SH3RF1: variants seen among roughly 807,000 people sequenced by gnomAD.
SH3RF1 encodes E3 ubiquitin-protein ligase SH3RF1.
Under a neutral mutation model 74.0 loss-of-function variants are expected in SH3RF1, and 32 were observed. The ratio of observed to expected loss-of-function variants is 0.43; its 90% CI spans 0.33 to 0.58. SH3RF1 has a LOEUF of 0.58. Ranked by LOEUF, SH3RF1 falls within the 20% of genes least tolerant of loss-of-function variation. The pLI, the probability that SH3RF1 is intolerant of heterozygous loss-of-function variation, is 0.05. For synonymous variants in SH3RF1, 396 were observed against 439.6 expected (o/e 0.90, Z 1.24); for missense variants, 954 against 1,130.9 (o/e 0.84, Z 2.24).
chr4:169,119,498 GTT>G (rs1430693967), intron 8 of SH3RF1, among the ~76,000 whole-genome samples: 1 of 151,732 alleles, frequency 6.6e-6, no homozygotes, highest in Non-Finnish European at 1.5e-5. Context: ...TTATAAAAAT[GTT>G]TTCCTTCATT....
chr4:169,269,154 T>C lies in SH3RF1; in HGVS notation c.59A>G (p.Asp20Gly), dbSNP rs1240281766. 1 of 1,611,780 alleles carries C rather than the reference T, an allele frequency of 6.2e-7. No individual in the cohort carries two copies. The highest frequency in any genetic ancestry group is 8.5e-7 in the Non-Finnish European group (1 of 1,179,888). Residue 20 changes from aspartate (D) to glycine (G), a missense_variant, in exon 2 of 12, where the codon GAT (aspartate) becomes GGT (glycine). By Grantham distance (94) the Asp-to-Gly change is moderately conservative (BLOSUM62 -1). Around this residue, in one of 3 missense-constraint regions of SH3RF1, gnomAD observed 64 missense variants for 101.9 expected, o/e 0.63. Coordinates refer to ENST00000284637, the MANE Select transcript of SH3RF1 (RefSeq NM_020870.4). ...GCAAGGCAAGACCTTCGCAGAAGCATCAAGGCGCTCTAGACACACCGGACA... is the reference window on the plus strand; with the variant it reads ...GCAAGGCAAGACCTTCGCAGAAGCACCAAGGCGCTCTAGACACACCGGACA... ...LECPVCLERL[D>G]ASAKVLPCQH...
At chr4:169,202,213 G>A (rs992269454) in intron 2 of SH3RF1, among the ~76,000 whole-genome samples, 7 of 152,100 alleles carry the variant, frequency 4.6e-5, no homozygotes, top group African/African-American at 7.2e-5. Context: ...TCTTGGTGCC[G>A]GGAAGACAAG....
chr4:169,178,080 A>C (rs907288157), intron 2 of SH3RF1, among the ~76,000 whole-genome samples: 3 of 151,722 alleles, frequency 2.0e-5, no homozygotes, highest in African/African-American at 7.3e-5. Context: ...GTCTCTACTA[A>C]AAATACAAAA....
At chr4:169,237,084 C>T (rs1231419708) in intron 2 of SH3RF1, among the ~76,000 whole-genome samples, 1 of 152,156 alleles carries the variant, frequency 6.6e-6, no homozygotes, top group African/African-American at 2.4e-5. Flanking sequence ...AGAGATTCAA[C>T]AGAAGGAGCC....
intron 2 of SH3RF1, among the ~76,000 whole-genome samples, chr4:169,228,928 CA>C (rs1218828734): frequency 2.0e-5 from 3 of 151,578 alleles, no homozygotes; most frequent in East Asian, 1.9e-4. Flanking sequence ...TTTAAAAAAA[CA>C]AAAAAAATTC....
At chr4:169,111,363 TC>T (rs1416819522) in intron 10 of SH3RF1, among the ~76,000 whole-genome samples, 4 of 147,024 alleles carry the variant, frequency 2.7e-5, no homozygotes, top group Admixed American at 2.7e-4. Context: ...CAAGCCATCC[TC>T]CCACCTCAGC....
At chr4:169,150,167 C>T (rs1426222671) in intron 4 of SH3RF1, among the ~76,000 whole-genome samples, 2 of 152,184 alleles carry the variant, frequency 1.3e-5, no homozygotes, top group Admixed American at 1.3e-4. Context: ...CAACTAATTA[C>T]TCCAAATTGT....
Position 169,156,439 on chromosome 4 carries a change from T to C in SH3RF1, c.634A>G (p.Lys212Glu), listed in dbSNP as rs1734054591. ...GGAAGGCAATCTTTGTCTGCTTCCT[T>C]GTCTTTCACTTCAAAGTCATAAAGT... ...KALYDFEVKD[K>E]EADKDCLPFA... Residue 212 changes from lysine (K) to glutamate (E), a missense_variant, in exon 3 of 12, where the codon AAG becomes GAG. Transcript: ENST00000284637. The C allele has an allele frequency of 6.3e-7, 1 of 1,599,468 alleles. No individual in the cohort carries two copies. The highest frequency in any genetic ancestry group is 2.2e-5 in the East Asian group (1 of 44,528).
chr4:169,249,781 C>T (rs1731068115), intron 2 of SH3RF1, among the ~76,000 whole-genome samples: 1 of 152,294 alleles, frequency 6.6e-6, no homozygotes, highest in Middle Eastern at 3.4e-3. Flanking sequence ...AACTGTGAGG[C>T]ATATGACTGC....
chr4:169,173,141 C>T (rs72985089), intron 2 of SH3RF1, among the ~76,000 whole-genome samples: 2,918 of 152,146 alleles, frequency 0.019, 110 homozygotes, highest in African/African-American at 0.065. Flanking sequence ...ATTATAAATG[C>T]AATTGAAGCC....
Position 169,268,967 on chromosome 4 carries a change from T to C in SH3RF1, c.246A>G (p.Lys82=), listed in dbSNP as rs764338994. The change falls in exon 2 of 12, where the codon AAA becomes AAG. Residue 82 remains lysine (K), a synonymous_variant. Transcript: ENST00000284637. ...TCCCACTTCCCCCACCAGGACCAGGTTTCCAAGGCCTCTGTTTGATGCCAT... is the reference window on the plus strand; with the variant it reads ...TCCCACTTCCCCCACCAGGACCAGGCTTCCAAGGCCTCTGTTTGATGCCAT... ...LLDGIKQRPW[K]PGPGGGSGTN... is the part of the protein sequence containing the mutation. The C allele has an allele frequency of 1.2e-6, 2 of 1,613,902 alleles. No individual in the cohort carries two copies. The highest frequency in any genetic ancestry group is 1.3e-5 in the African/African-American group (1 of 74,844).
chr4:169,107,278 T>C (rs1344441422), intron 10 of SH3RF1, 73 bp from the exon 11 acceptor site: 17 of 1,326,048 alleles, frequency 1.3e-5, no homozygotes, highest in Non-Finnish European at 1.7e-5. Flanking sequence ...AAGGGCCCTA[T>C]AGTTCATTAC....
At chr4:169,123,948 T>G (rs1733484063) in intron 6 of SH3RF1, among the ~76,000 whole-genome samples, 1 of 151,958 alleles carries the variant, frequency 6.6e-6, no homozygotes, top group South Asian at 2.1e-4. Flanking sequence ...GCTTAGAGCC[T>G]CCAAAACCTT....
At chr4:169,267,981 G>A (rs1731381416) in intron 2 of SH3RF1, among the ~76,000 whole-genome samples, 3 of 151,960 alleles carry the variant, frequency 2.0e-5, no homozygotes, top group Admixed American at 6.6e-5. Context: ...TTGCAAAAAT[G>A]AGAAAGCACA....
rs117181616 is a variant in SH3RF1, at chr4:169,132,064, T to G, written c.1069-1908A>C. On this transcript the variant is annotated intron_variant, in intron 5 of 11. Transcript: ENST00000284637. ...CCACACTGGCGTGTACTTTCATTTTTAACAAATCTCTGCTTTTGTTGCTTC... is the reference window on the plus strand; with the variant it reads ...CCACACTGGCGTGTACTTTCATTTTGAACAAATCTCTGCTTTTGTTGCTTC... Among the ~76,000 whole-genome samples the G allele has an allele frequency of 2.8e-3, 431 of 152,356 alleles. 11 individuals carry two copies. In the East Asian group the frequency reaches 0.049, roughly 17 times the overall value.
intron 11 of SH3RF1, among the ~76,000 whole-genome samples, chr4:169,100,920 TGACGCTATC>T (rs2126934525): frequency 6.6e-6 from 1 of 152,290 alleles, no homozygotes; most frequent in South Asian, 2.1e-4. Context: ...GAGTCTCCTT[TGACGCTATC>T]TCTCCCACCC....
chr4:169,248,407 T>A (rs757100123), intron 2 of SH3RF1, among the ~76,000 whole-genome samples: 1 of 152,110 alleles, frequency 6.6e-6, no homozygotes, highest in African/African-American at 2.4e-5. Flanking sequence ...AAACACTGCA[T>A]GTTCTCACTC....
intron 5 of SH3RF1, among the ~76,000 whole-genome samples, chr4:169,131,769 T>C (rs1041255873): frequency 6.6e-6 from 1 of 152,264 alleles, no homozygotes; most frequent in Non-Finnish European, 1.5e-5. Flanking sequence ...GCCATTTGCA[T>C]AGGAGTATAA....
At chr4:169,137,521 T>C (rs1245294163) in intron 4 of SH3RF1, among the ~76,000 whole-genome samples, 2 of 152,134 alleles carry the variant, frequency 1.3e-5, no homozygotes, top group Non-Finnish European at 2.9e-5. Flanking sequence ...TCAAAAAAAA[T>C]TGAGATGCAA....
Sources: gnomAD v4.1 joint callset for allele counts (sites outside exome capture counted in the v4.1 genomes callset) on GRCh38, gnomAD v4.1.1 for gene constraint, gnomAD v4.1.1 regional missense constraint, MANE v1.5 for transcripts, NCBI Gene and HGNC (gene_info 2026-07-23, HGNC 2026-07-21) for gene names.